PI4KA: variants seen among roughly 807,000 people sequenced by gnomAD.
PI4KA encodes phosphatidylinositol 4-kinase alpha.
PI4KA carries 122 observed loss-of-function variants against 271.4 expected under a neutral mutation model. That is an observed-to-expected ratio of 0.45 (90% CI 0.39 to 0.52). The LOEUF (loss-of-function observed/expected upper bound fraction) is 0.52. PI4KA is among the 20% of genes least tolerant of loss of function. PI4KA has a pLI of 0.00. For synonymous variants in PI4KA, 1,041 were observed against 1,078.8 expected (o/e 0.96, Z 0.69); for missense variants, 1,969 against 2,769.1 (o/e 0.71, Z 6.48).
intron 44 of PI4KA, chr22:20,717,989 C>A: frequency 3.5e-6 from 2 of 578,158 alleles, no homozygotes; most frequent in Non-Finnish European, 3.2e-6. Context: ...TGTTTTCTGG[C>A]AGGCTCTGCC....
chr22:20,819,060 C>T (rs1007122724), intron 6 of PI4KA, among the ~76,000 whole-genome samples: 1 of 152,098 alleles, frequency 6.6e-6, no homozygotes, highest in Non-Finnish European at 1.5e-5. Flanking sequence ...GCCGCAAAGG[C>T]CTAGAGTTTT....
chr22:20,778,215 C>A (rs1386305483), intron 19 of PI4KA, among the ~76,000 whole-genome samples: 2 of 152,182 alleles, frequency 1.3e-5, no homozygotes, highest in South Asian at 2.1e-4. Context: ...ATTAAACAAC[C>A]CCAGGTCAGG....
At chr22:20,858,437 G>C (rs1927922612) in intron 1 of PI4KA, 133 bp downstream of exon 1, 3 of 540,574 alleles carry the variant, frequency 5.5e-6, no homozygotes, top group Non-Finnish European at 8.2e-6. Flanking sequence ...AGATCCCTCC[G>C]CTCAGGCGCC....
chr22:20,770,072 G>A (rs1241798998), intron 19 of PI4KA, among the ~76,000 whole-genome samples: 1 of 152,122 alleles, frequency 6.6e-6, no homozygotes, highest in Non-Finnish European at 1.5e-5. Flanking sequence ...TTTAGAGACA[G>A]GGTCTCACTC....
Position 20,746,058 on chromosome 22 carries a change from A to AG in PI4KA, c.3364-1339dup, listed in dbSNP as rs1555885164. ...TTCATCAAAAAAAAAAAAAAAAAAA[A>AG]GAATTTTTTTTTTTTTTTTTTTGAG... On this transcript the variant is annotated intron_variant, in intron 29 of 54. Coordinates refer to ENST00000255882, the MANE Select transcript of PI4KA (RefSeq NM_058004.4). Among the ~76,000 whole-genome samples the AG allele has an allele frequency of 4.1e-3, 435 of 107,352 alleles. 5 individuals carry two copies. The highest frequency in any genetic ancestry group is 0.011 in the African/African-American group (290 of 26,792). 70.4% of individuals were successfully genotyped at this position (107,352 alleles called of 152,430 possible).
In PI4KA at chr22:20,798,280, C is replaced by T. The variant is rs5760688; in HGVS notation, c.2108+304G>A. On this transcript the variant is annotated intron_variant, in intron 17 of 54. Transcript: ENST00000255882. ...CTCCACAACCTCTAAAGGCAACCTG[C>T]GCAGGATCATTCATGGTGTGGCTGA... Among the ~76,000 whole-genome samples the T allele has an allele frequency of 0.068, 10,386 of 152,136 alleles. 345 individuals carry two copies. The highest frequency in any genetic ancestry group is 0.08 in the East Asian group (411 of 5,166).
intron 28 of PI4KA, 76 bp downstream of exon 28, chr22:20,749,829 T>A: frequency 1.2e-6 from 1 of 859,446 alleles, no homozygotes; most frequent in Non-Finnish European, 2.0e-6. Context: ...GGATTTTGAG[T>A]TCTTCATGTC....
rs1927991868 is a variant in PI4KA at position 20,858,717 on chromosome 22, C to T, written c.9G>A (p.Ala3=). The T allele has an allele frequency of 2.1e-6, 3 of 1,447,390 alleles. No homozygotes were observed. The highest frequency in any genetic ancestry group is 2.5e-5 in the Admixed American group (1 of 39,574). The allele number at this position is 1,447,390 out of a possible 1,614,324, so 89.7% of individuals were successfully genotyped here. The change falls in exon 1 of 55, where the codon GCG becomes GCA. Residue 3 remains alanine (A), a synonymous_variant. Coordinates refer to ENST00000255882, the MANE Select transcript of PI4KA (RefSeq NM_058004.4). MA[A]APARGGGGGG... is the part of the protein sequence containing the mutation. ...CGCCTCCGCCTCCCCGGGCCGGGGC[C>T]GCCGCCATCACCTCACGAGCCGCGG...
chr22:20,735,802 C>T (rs1435767411), intron 32 of PI4KA, among the ~76,000 whole-genome samples: 1 of 152,234 alleles, frequency 6.6e-6, no homozygotes, highest in African/African-American at 2.4e-5. Flanking sequence ...GGGGACGAGG[C>T]ACTAGAGCCT....
At position 20,746,208 on chromosome 22, in the gene PI4KA, G is replaced by A. The variant is rs376524924; in HGVS notation, c.3363+1375C>T. 4.6e-5 allele frequency among the ~76,000 whole-genome samples: 7 copies of A among 151,596 alleles called. No individual in the cohort carries two copies. In the East Asian group the frequency reaches 1.2e-3, roughly 25 times the overall value. Reference sequence around the variant, plus strand: ...CTCCCAAGTAGCTGGGACTACAGGCGCCTGCCACCATGCCCGGCTAATTTT... The same window carrying A: ...CTCCCAAGTAGCTGGGACTACAGGCACCTGCCACCATGCCCGGCTAATTTT... On this transcript the variant is annotated intron_variant, in intron 29 of 54. Coordinates refer to ENST00000255882, the MANE Select transcript of PI4KA (RefSeq NM_058004.4).
chr22:20,839,196 G>A (rs567590659), intron 1 of PI4KA, among the ~76,000 whole-genome samples: 67 of 138,872 alleles, frequency 4.8e-4, no homozygotes, highest in African/African-American at 1.6e-3. Context: ...CAGCCTGGGT[G>A]ACACAACAAG....
At position 20,802,039 on chromosome 22, in the gene PI4KA, G is replaced by A. The variant is rs371872004; in HGVS notation, c.1658C>T (p.Ser553Leu). ...CATGGAGGGCTGGCTCTTCTTACCC[G>A]ACATGACGTTCAGGGTTGACTCGGA... ...EHSESTLNVM[S>L]GKKSQPSMYE... The change falls in exon 14 of 55, where the codon TCG (serine) becomes TTG (leucine). Residue 553 changes from serine (S) to leucine (L), a missense_variant. Ser to Leu is a moderately radical substitution (Grantham distance 145). Around this residue, in one of 13 missense-constraint regions of PI4KA, gnomAD observed 228 missense variants for 261.6 expected, o/e 0.87. Coordinates refer to ENST00000255882, the MANE Select transcript of PI4KA (RefSeq NM_058004.4). The A allele has an allele frequency of 7.4e-6, 12 of 1,613,754 alleles. No individual in the cohort carries two copies. The highest frequency in any genetic ancestry group is 6.7e-5 in the African/African-American group (5 of 75,010).
intron 27 of PI4KA, 34 bp downstream of exon 27, chr22:20,751,259 T>C (rs1361153303): frequency 8.5e-6 from 13 of 1,521,502 alleles, no homozygotes; most frequent in Non-Finnish European, 1.2e-5. Flanking sequence ...GTGGTAAAGA[T>C]GGCCCTTAGT....
At chr22:20,822,102 G>GGGTTC (rs1213537568) in intron 4 of PI4KA, among the ~76,000 whole-genome samples, 12 of 152,028 alleles carry the variant, frequency 7.9e-5, no homozygotes, top group Admixed American at 3.9e-4. Flanking sequence ...AACAGTGCAG[G>GGGTTC]GGTTCAATGA....
chr22:20,828,361 G>T (rs1295097670), intron 3 of PI4KA, among the ~76,000 whole-genome samples: 1 of 152,130 alleles, frequency 6.6e-6, no homozygotes, highest in African/African-American at 2.4e-5. Context: ...TCTCTTGCCT[G>T]ATTGCTCTGG....
chr22:20,793,029 G>A (rs1271194693), intron 19 of PI4KA, among the ~76,000 whole-genome samples, 164 bp downstream of exon 19: 2 of 152,168 alleles, frequency 1.3e-5, no homozygotes, highest in Non-Finnish European at 2.9e-5. Flanking sequence ...ACACACCTAT[G>A]GGGCTGTCAT....
At chr22:20,717,265 A>C (rs1926114904) in intron 45 of PI4KA, among the ~76,000 whole-genome samples, 1 of 152,154 alleles carries the variant, frequency 6.6e-6, no homozygotes, top group Non-Finnish European at 1.5e-5. Context: ...TTGAATTCCC[A>C]TGTGGCCACA....
intron 23 of PI4KA, among the ~76,000 whole-genome samples, chr22:20,756,865 A>G (rs549755020): frequency 1.3e-5 from 2 of 152,212 alleles, no homozygotes; most frequent in South Asian, 4.2e-4. Flanking sequence ...CCTGACCTCA[A>G]GTGATCTGCC....
At chr22:20,763,005 T>A (rs150154057) in intron 22 of PI4KA, among the ~76,000 whole-genome samples, 86 of 78,810 alleles carry the variant, frequency 1.1e-3, no homozygotes, top group African/African-American at 4.9e-3. Flanking sequence ...TAGGTTTTTT[T>A]GCTTTTTTTT....
Sources: gnomAD v4.1 joint callset for allele counts (sites outside exome capture counted in the v4.1 genomes callset) on GRCh38, gnomAD v4.1.1 for gene constraint, gnomAD v4.1.1 regional missense constraint, MANE v1.5 for transcripts, NCBI Gene and HGNC (gene_info 2026-07-23, HGNC 2026-07-21) for gene names.